The following TLCD3A variants were observed in gnomAD, a reference collection of about 807,000 sequenced individuals.
TLCD3A encodes the protein TLC domain-containing protein 3A.
A neutral mutation model predicts 29.9 loss-of-function variants in TLCD3A; 17 were observed. The ratio of observed to expected loss-of-function variants is 0.57; its 90% CI spans 0.39 to 0.85. The LOEUF (loss-of-function observed/expected upper bound fraction) is 0.85, where lower values mean the gene tolerates loss of function less well. Among genes scored for constraint, TLCD3A ranks in the 40% least tolerant of loss-of-function variants. The pLI is 0.00. For missense variants in TLCD3A, 332 were observed against 350.8 expected (o/e 0.95, Z 0.43); for synonymous variants, 143 against 147.7 (o/e 0.97, Z 0.23).
At position 732,761 on chromosome 17, in the gene TLCD3A, C is replaced by T; in HGVS notation, c.114C>T (p.Ile38=). The change falls in exon 1 of 5, where the codon ATC becomes ATT. Residue 38 remains isoleucine, a synonymous_variant. Transcript: ENST00000308278. ...PGWSRTDCVM[I]STRLVSSVHA... is the part of the protein sequence containing the mutation. ...GGAGCCGCACCGACTGCGTGATGATCAGCACCAGGTACCGGCGCCGCCGAG... is the reference window on the plus strand; with the variant it reads ...GGAGCCGCACCGACTGCGTGATGATTAGCACCAGGTACCGGCGCCGCCGAG... The T allele has an allele frequency of 6.9e-7, 1 of 1,454,678 alleles. No homozygotes were observed. The highest frequency in any genetic ancestry group is 9.0e-7 in the Non-Finnish European group (1 of 1,105,876). 90.1% of individuals were successfully genotyped at this position (1,454,678 alleles called of 1,614,324 possible).
At chr17:733,756 T>G (rs368570689) in intron 2 of TLCD3A, among the ~76,000 whole-genome samples, 5 of 152,218 alleles carry the variant, frequency 3.3e-5, no homozygotes, top group African/African-American at 9.6e-5. Flanking sequence ...AAGACCAGAA[T>G]AGTCGACTTT....
chr17:741,021 G>A (rs930472728), intron 4 of TLCD3A, among the ~76,000 whole-genome samples: 3 of 152,260 alleles, frequency 2.0e-5, no homozygotes, highest in African/African-American at 2.4e-5. Context: ...TTTAATCCAC[G>A]GTTCCTGTAC....
chr17:738,256 C>T (rs1974196043), intron 3 of TLCD3A, among the ~76,000 whole-genome samples: 3 of 151,924 alleles, frequency 2.0e-5, no homozygotes, highest in Admixed American at 6.6e-5. Flanking sequence ...CCACCACGCC[C>T]GGCTAATGTT....
intron 4 of TLCD3A, 95 bp from the exon 5 acceptor site, chr17:741,206 C>A: frequency 1.5e-6 from 2 of 1,300,110 alleles, no homozygotes; most frequent in African/African-American, 1.5e-5. Flanking sequence ...GCACCTGCAC[C>A]TGTGTGGCAT....
intron 2 of TLCD3A, among the ~76,000 whole-genome samples, chr17:735,307 C>A (rs971894672): frequency 4.6e-5 from 7 of 152,200 alleles, no homozygotes; most frequent in African/African-American, 1.7e-4. Flanking sequence ...CCACCGTGCC[C>A]GGCCGACTTT....
At chr17:737,383 CAA>C in intron 2 of TLCD3A, among the ~76,000 whole-genome samples, 1 of 152,054 alleles carries the variant, frequency 6.6e-6, no homozygotes, top group Non-Finnish European at 1.5e-5. Context: ...TGCATGCAGA[CAA>C]GAGAAAACTC....
chr17:734,041 A>T (rs1284529522), intron 2 of TLCD3A, among the ~76,000 whole-genome samples: 1 of 152,102 alleles, frequency 6.6e-6, no homozygotes, highest in African/African-American at 2.4e-5. Context: ...TGCTGTCATG[A>T]TTTTTGTGCT....
At chr17:734,464 C>T (rs1293826488) in intron 2 of TLCD3A, among the ~76,000 whole-genome samples, 1 of 151,578 alleles carries the variant, frequency 6.6e-6, no homozygotes, top group Non-Finnish European at 1.5e-5. Context: ...CACACTACTA[C>T]ACCTGGCTAA....
intron 4 of TLCD3A, 121 bp downstream of exon 4, chr17:740,721 A>C: frequency 1.0e-6 from 1 of 980,180 alleles, no homozygotes; most frequent in Non-Finnish European, 1.5e-6. Context: ...GAGAGAGTGA[A>C]GGTTCTGATT....
At chr17:740,646 G>A in intron 4 of TLCD3A, 46 bp downstream of exon 4, 2 of 1,542,054 alleles carry the variant, frequency 1.3e-6, no homozygotes, top group Non-Finnish European at 1.8e-6. Context: ...TCTGATTCAG[G>A]CATGTATGAA....
At chr17:739,892 A>G (rs1287939445) in intron 3 of TLCD3A, among the ~76,000 whole-genome samples, 12 of 152,138 alleles carry the variant, frequency 7.9e-5, no homozygotes, top group Non-Finnish European at 2.9e-5. Flanking sequence ...CTAAAAATAC[A>G]AAAATTAGCC....
chr17:740,594 G>A lies in TLCD3A; in HGVS notation c.498G>A (p.Leu166=), dbSNP rs773550580. 9.9e-6 allele frequency: 16 copies of A among 1,611,092 alleles called. No homozygotes were observed. The East Asian group carries it at 2.7e-4, about 27-fold the overall frequency. Residue 166 remains leucine (L), a synonymous_variant, in exon 4 of 5, where the codon CTG becomes CTA. Coordinates refer to ENST00000308278, the MANE Select transcript of TLCD3A (RefSeq NM_024792.3). The part of the protein sequence containing the change: ...STPFVSLGRV[L]IQLKQQHTLL... ...CGTTTGTGTCGCTGGGCAGGGTTCT[G>A]ATTCAGGCATGTATGAATGAAATGA...
At position 742,146 on chromosome 17, in the gene TLCD3A, C is replaced by CT. The variant is rs1974267396; in HGVS notation, c.*578dup. 1 of 153,528 alleles carries CT rather than the reference C, an allele frequency of 6.5e-6. No individual in the cohort carries two copies. The highest frequency in any genetic ancestry group is 2.4e-5 in the African/African-American group (1 of 41,282). 9.5% of individuals were successfully genotyped at this position (153,528 alleles called of 1,614,324 possible). ...AGAGTTGAATTCTTATGTCTATAGA[C>CT]TTCCAATCAGAAGTCTCACTGGTGG... On this transcript the variant is annotated 3_prime_UTR_variant, in exon 5 of 5. Coordinates refer to ENST00000308278, the MANE Select transcript of TLCD3A (RefSeq NM_024792.3).
rs759269765 is a variant in TLCD3A, at chr17:740,581, T to C, written c.485T>C (p.Leu162Pro). ...TAELSTPFVS[L>P]GRVLIQLKQQ... is the part of the protein sequence containing the mutation. Reference sequence around the variant, plus strand: ...GAACTGAGCACTCCGTTTGTGTCGCTGGGCAGGGTTCTGATTCAGGCATGT... The same window carrying C: ...GAACTGAGCACTCCGTTTGTGTCGCCGGGCAGGGTTCTGATTCAGGCATGT... The change falls in exon 4 of 5, where the codon CTG (leucine) becomes CCG (proline). Residue 162 changes from leucine (L) to proline (P), a missense_variant. Physicochemically the swap from Leu to Pro is moderately conservative, Grantham distance 98 (BLOSUM62 -3). Transcript: ENST00000308278. 1.9e-6 allele frequency: 3 copies of C among 1,613,906 alleles called. No individual in the cohort carries two copies. The African/African-American group carries it at 4.0e-5, about 22-fold the overall frequency.
chr17:735,326 TA>T (rs568617991), intron 2 of TLCD3A, among the ~76,000 whole-genome samples: 89 of 152,352 alleles, frequency 5.8e-4, no homozygotes, highest in African/African-American at 2.0e-3. Context: ...TTCCCACATT[TA>T]ATTATTTAAT....
intron 3 of TLCD3A, 117 bp downstream of exon 3, chr17:738,164 C>G (rs1401184199): frequency 2.6e-6 from 2 of 756,842 alleles, no homozygotes; most frequent in Non-Finnish European, 4.0e-6. Context: ...GGTGTGATCT[C>G]AGCTCACTGC....
chr17:740,077 G>C (rs1240638609), intron 3 of TLCD3A, among the ~76,000 whole-genome samples: 1 of 152,090 alleles, frequency 6.6e-6, no homozygotes, highest in Non-Finnish European at 1.5e-5. Context: ...ATAAATAAGG[G>C]TAACGTGCAT....
At position 742,366 on chromosome 17, in the gene TLCD3A, A is replaced by G. The variant is rs1031896893; in HGVS notation, c.*796A>G. 6.6e-6 allele frequency: 1 copy of G among 152,234 alleles called. No individual in the cohort carries two copies. Among genetic ancestry groups the G allele is most frequent in the Admixed American group, 6.5e-5 (1 of 15,276 alleles). The allele number at this position is 152,234 out of a possible 1,614,324, so 9.4% of individuals were successfully genotyped here. A position where few individuals can be genotyped will look rare whatever the true frequency, so the allele number is the denominator to read the frequency against. On this transcript the variant is annotated 3_prime_UTR_variant, in exon 5 of 5. Transcript: ENST00000308278. ...CCCGGCTTTCCCCATATCCACATGC[A>G]GAGGGCGAGCTCATAAAACTACAGG...
rs1974260235 is a variant in TLCD3A at position 741,831 on chromosome 17, T to TA, written c.*263dup. The TA allele has an allele frequency of 4.0e-6, 2 of 501,546 alleles. No individual in the cohort carries two copies. The highest frequency in any genetic ancestry group is 4.2e-5 in the South Asian group (2 of 47,252). 31.1% of individuals were successfully genotyped at this position (501,546 alleles called of 1,614,324 possible). A position where few individuals can be genotyped will look rare whatever the true frequency, so the allele number is the denominator to read the frequency against. ...TTAATGCAAGCCCAAGGATCCTTCT[T>TA]AAGGTCTTATCTCAAGAGCTCTGGG... On this transcript the variant is annotated 3_prime_UTR_variant, in exon 5 of 5. Coordinates refer to ENST00000308278, the MANE Select transcript of TLCD3A (RefSeq NM_024792.3).
Sources: allele counts gnomAD v4.1 joint callset (sites outside exome capture counted in the v4.1 genomes callset), GRCh38; gene constraint gnomAD v4.1.1; transcripts MANE v1.5; gene names NCBI Gene and HGNC (gene_info 2026-07-23, HGNC 2026-07-21).